The following LRRC4C variants were observed in gnomAD, a reference collection of about 807,000 sequenced individuals.
The protein encoded by LRRC4C is leucine rich repeat containing 4C.
In LRRC4C, 5 loss-of-function variants were observed where a neutral mutation model predicts 33.6. That is an observed-to-expected ratio of 0.15 (90% confidence interval 0.08 to 0.31). The LOEUF (loss-of-function observed/expected upper bound fraction) is 0.31, where lower values mean the gene tolerates loss of function less well. Among genes scored for constraint, LRRC4C ranks in the 10% least tolerant of loss-of-function variants. The pLI is 1.00. For synonymous variants in LRRC4C, 329 were observed against 302.0 expected (o/e 1.09, Z -0.93); for missense variants, 560 against 796.7 (o/e 0.70, Z 3.58).
intron 5 of LRRC4C, among the ~76,000 whole-genome samples, chr11:40,219,861 T>C (rs1363819634): frequency 1.3e-5 from 2 of 152,130 alleles, no homozygotes; most frequent in Non-Finnish European, 2.9e-5. Flanking sequence ...GTATATAGTA[T>C]TCATGCTAAA....
chr11:40,731,597 A>ATTC (rs1947590111), intron 2 of LRRC4C, among the ~76,000 whole-genome samples: 1 of 152,152 alleles, frequency 6.6e-6, no homozygotes, highest in Non-Finnish European at 1.5e-5. Context: ...TTACGACATT[A>ATTC]TTCTTTCTTT....
chr11:40,914,416 C>A (rs1446183391), intron 2 of LRRC4C, among the ~76,000 whole-genome samples: 1 of 152,138 alleles, frequency 6.6e-6, no homozygotes, highest in African/African-American at 2.4e-5. Context: ...TAAACGTAAT[C>A]CAGAATATAA....
In LRRC4C at chr11:40,176,318, T is replaced by G. The variant is rs545854708; in HGVS notation, c.-95-35465A>C. On this transcript the variant is annotated intron_variant, in intron 5 of 6. Coordinates refer to ENST00000528697, the MANE Select transcript of LRRC4C (RefSeq NM_001258419.2). ...TTTTGCATTGTCCTTCTTGCTATAA[T>G]GTAAGCTTATTGAGTGCAGGGATGA... 3.9e-4 allele frequency among the ~76,000 whole-genome samples: 60 copies of G among 152,290 alleles called. No individual in the cohort carries two copies. The South Asian group carries it at 0.012, about 29-fold the overall frequency.
intron 5 of LRRC4C, among the ~76,000 whole-genome samples, chr11:40,226,617 TCAATAGTGAGGCCATCTTA>T (rs762615829): frequency 6.6e-6 from 1 of 152,142 alleles, no homozygotes; most frequent in Non-Finnish European, 1.5e-5. Flanking sequence ...ATCTAGAACA[TCAATAGTGAGGCCATCTTA>T]CATGTTGCAC....
intron 1 of LRRC4C, among the ~76,000 whole-genome samples, chr11:41,226,777 C>CACACACACA (rs1565496331): frequency 1.4e-4 from 21 of 150,692 alleles, no homozygotes; most frequent in Non-Finnish European, 2.1e-4. Context: ...CACACACACA[C>CACACACACA]CCTTCTCTCT....
intron 2 of LRRC4C, among the ~76,000 whole-genome samples, chr11:40,696,752 A>ATATATATG (rs1945570898): frequency 8.4e-6 from 1 of 118,356 alleles, no homozygotes; most frequent in South Asian, 2.5e-4. Flanking sequence ...CACTGTGTAT[A>ATATATATG]TATATATATA....
chr11:41,172,963 G>A (rs947391022), intron 1 of LRRC4C, among the ~76,000 whole-genome samples: 1 of 151,896 alleles, frequency 6.6e-6, no homozygotes, highest in African/African-American at 2.4e-5. Context: ...TTCCGAGATG[G>A]GTCCAGAAAC....
At chr11:40,626,851 G>T (rs80092602) in intron 3 of LRRC4C, among the ~76,000 whole-genome samples, 5,035 of 152,134 alleles carry the variant, frequency 0.033, 259 homozygotes, top group African/African-American at 0.11. Context: ...CAGCACAGGG[G>T]CTCTCTATCT....
At chr11:40,996,795 C>T (rs1396897546) in intron 1 of LRRC4C, among the ~76,000 whole-genome samples, 1 of 152,014 alleles carries the variant, frequency 6.6e-6, no homozygotes, top group African/African-American at 2.4e-5. Context: ...GAGGGAGTAC[C>T]AGACTTTTTA....
intron 1 of LRRC4C, among the ~76,000 whole-genome samples, chr11:41,337,581 A>G (rs551082317): frequency 9.9e-5 from 15 of 152,264 alleles, no homozygotes; most frequent in Admixed American, 3.3e-4. Flanking sequence ...AATCATAAAA[A>G]CCTTAGAAGA....
At chr11:41,391,628 C>T (rs1953599004) in intron 1 of LRRC4C, among the ~76,000 whole-genome samples, 1 of 151,826 alleles carries the variant, frequency 6.6e-6, no homozygotes, top group Admixed American at 6.6e-5. Context: ...TCACTTATTT[C>T]CACATTTGAT....
chr11:40,406,850 A>G (rs1949981178), intron 3 of LRRC4C, among the ~76,000 whole-genome samples: 1 of 152,140 alleles, frequency 6.6e-6, no homozygotes, highest in Admixed American at 6.6e-5. Flanking sequence ...GTAGCAAGGA[A>G]ATATGAAATA....
At chr11:41,294,995 T>A (rs1483913497) in intron 1 of LRRC4C, among the ~76,000 whole-genome samples, 1 of 152,190 alleles carries the variant, frequency 6.6e-6, no homozygotes, top group Non-Finnish European at 1.5e-5. Flanking sequence ...ACTGAATTGC[T>A]GATAGTACAC....
intron 2 of LRRC4C, among the ~76,000 whole-genome samples, chr11:40,873,105 C>A (rs1004230483): frequency 6.6e-6 from 1 of 152,104 alleles, no homozygotes; most frequent in African/African-American, 2.4e-5. Context: ...CTCATGTTTA[C>A]AATTAGAAAG....
At chr11:40,192,954 C>T (rs569132954) in intron 5 of LRRC4C, among the ~76,000 whole-genome samples, 177 of 152,298 alleles carry the variant, frequency 1.2e-3, no homozygotes, top group African/African-American at 3.9e-3. Context: ...CAGCCCCAGT[C>T]AGGGGCTTAT....
intron 4 of LRRC4C, among the ~76,000 whole-genome samples, chr11:40,296,507 A>C (rs1294864989): frequency 6.6e-6 from 1 of 152,302 alleles, no homozygotes; most frequent in Admixed American, 6.5e-5. Context: ...TTTTGCGATA[A>C]CATTAAGGTT....
intron 3 of LRRC4C, among the ~76,000 whole-genome samples, chr11:40,329,485 AG>A (rs1339048302): frequency 1.3e-5 from 2 of 152,156 alleles, no homozygotes; most frequent in African/African-American, 2.4e-5. Context: ...GGCAGGAATC[AG>A]GGTTTCTGGG....
At chr11:41,315,987 A>C (rs1011101319) in intron 1 of LRRC4C, among the ~76,000 whole-genome samples, 150 of 152,238 alleles carry the variant, frequency 9.9e-4, no homozygotes, top group African/African-American at 3.5e-3. Flanking sequence ...AAAGCCATTT[A>C]TTTCTTTTCC....
chr11:41,180,034 G>A (rs1326929596), intron 1 of LRRC4C, among the ~76,000 whole-genome samples: 1 of 152,160 alleles, frequency 6.6e-6, no homozygotes, highest in Non-Finnish European at 1.5e-5. Context: ...CCTAGTAGAA[G>A]TTTCAAGAAA....
Sources: gnomAD v4.1 joint callset for allele counts (sites outside exome capture counted in the v4.1 genomes callset) on GRCh38, gnomAD v4.1.1 for gene constraint, MANE v1.5 for transcripts, NCBI Gene and HGNC (gene_info 2026-07-23, HGNC 2026-07-21) for gene names.